Variants in PID1 observed in about 807,000 individuals in gnomAD.
PID1 encodes the protein PTB-containing, cubilin and LRP1-interacting protein.
PID1 carries 10 observed loss-of-function variants against 19.1 expected under a neutral mutation model. That is an observed-to-expected ratio of 0.52 (90% CI 0.32 to 0.89). The LOEUF (loss-of-function observed/expected upper bound fraction) is 0.89, where lower values mean the gene tolerates loss of function less well. Ranked by LOEUF, PID1 falls within the 40% of genes least tolerant of loss-of-function variation. The pLI, the probability that PID1 is intolerant of heterozygous loss-of-function variation, is 0.03. For synonymous variants in PID1, 130 were observed against 116.0 expected (o/e 1.12, Z -0.78); for missense variants, 248 against 285.3 (o/e 0.87, Z 0.94).
At chr2:229,047,073 T>C (rs551549760) in intron 2 of PID1, among the ~76,000 whole-genome samples, 3 of 152,338 alleles carry the variant, frequency 2.0e-5, no homozygotes, top group South Asian at 2.1e-4. Flanking sequence ...CCACAAAGCC[T>C]GTAGTCACCA....
At chr2:229,231,101 G>A (rs750449431) in intron 1 of PID1, among the ~76,000 whole-genome samples, 10 of 151,980 alleles carry the variant, frequency 6.6e-5, no homozygotes, top group South Asian at 2.1e-4. Flanking sequence ...AAGCCTAACC[G>A]CCCAGGGCCA....
chr2:229,116,019 G>A (rs1293660986), intron 2 of PID1, among the ~76,000 whole-genome samples: 1 of 151,952 alleles, frequency 6.6e-6, no homozygotes, highest in Non-Finnish European at 1.5e-5. Flanking sequence ...AGGAGATGGA[G>A]ACGACCATCC....
rs370243883 is a variant in PID1 at position 229,148,519 on chromosome 2, G to A, written c.177+7299C>T. On this transcript the variant is annotated intron_variant, in intron 2 of 2. Transcript: ENST00000392055. ...CGTGGCTTAAGTTCCTGCTGGGGAC[G>A]AGGAGATTCCTCCGGTTTTCAAAAT... is the stretch of plus-strand genomic sequence containing the variant. Among the ~76,000 whole-genome samples the A allele has an allele frequency of 5.9e-5, 9 of 152,290 alleles. No homozygotes were observed. The South Asian group carries it at 8.3e-4, about 14-fold the overall frequency.
chr2:229,066,365 T>C (rs1223375700), intron 2 of PID1, among the ~76,000 whole-genome samples: 3 of 152,040 alleles, frequency 2.0e-5, no homozygotes, highest in African/African-American at 7.2e-5. Context: ...GGTATTTCAG[T>C]GGGATTAGAG....
intron 2 of PID1, among the ~76,000 whole-genome samples, chr2:229,038,624 A>C (rs190752549): frequency 6.6e-6 from 1 of 152,188 alleles, no homozygotes; most frequent in African/African-American, 2.4e-5. Context: ...GATAACTCAA[A>C]CCAAAGAAAT....
chr2:229,152,952 T>G (rs902973907), intron 2 of PID1, among the ~76,000 whole-genome samples: 4 of 152,144 alleles, frequency 2.6e-5, no homozygotes, highest in Admixed American at 2.0e-4. Context: ...GAGCTGGCCC[T>G]GCAGCTGGGC....
chr2:229,119,953 C>T (rs946045431), intron 2 of PID1, among the ~76,000 whole-genome samples: 1 of 152,142 alleles, frequency 6.6e-6, no homozygotes, highest in African/African-American at 2.4e-5. Flanking sequence ...GCTCCTGGTT[C>T]TAAAGTCTTC....
intron 1 of PID1, chr2:229,245,163 GA>G (rs1423325107): frequency 5.9e-5 from 9 of 152,040 alleles, no homozygotes; most frequent in Admixed American, 5.9e-4. Flanking sequence ...CCTGTTGTGT[GA>G]AACTCTTCTG....
intron 2 of PID1, among the ~76,000 whole-genome samples, chr2:229,064,645 A>G (rs569726736): frequency 6.6e-6 from 1 of 152,272 alleles, no homozygotes; most frequent in African/African-American, 2.4e-5. Flanking sequence ...GTGAAAAAGC[A>G]TATTTGTTTG....
chr2:229,090,210 G>A (rs1694844074), intron 2 of PID1, among the ~76,000 whole-genome samples: 1 of 152,076 alleles, frequency 6.6e-6, no homozygotes, highest in Non-Finnish European at 1.5e-5. Flanking sequence ...GTTATTTTAT[G>A]TCTCATCAAA....
At chr2:229,096,879 A>C (rs538748009) in intron 2 of PID1, among the ~76,000 whole-genome samples, 1 of 152,200 alleles carries the variant, frequency 6.6e-6, no homozygotes, top group South Asian at 2.1e-4. Flanking sequence ...CTCTGCTTAC[A>C]AGAAGGCATT....
At chr2:229,040,468 G>C (rs1693750371) in intron 2 of PID1, among the ~76,000 whole-genome samples, 1 of 152,140 alleles carries the variant, frequency 6.6e-6, no homozygotes, top group Non-Finnish European at 1.5e-5. Flanking sequence ...GTGGTTGCTT[G>C]GGAATGGAGT....
intron 2 of PID1, among the ~76,000 whole-genome samples, chr2:229,098,317 C>G (rs1015164828): frequency 6.6e-5 from 10 of 151,988 alleles, no homozygotes; most frequent in African/African-American, 2.4e-4. Flanking sequence ...GCACGATGTA[C>G]AAAGCAAAAG....
intron 2 of PID1, among the ~76,000 whole-genome samples, chr2:229,138,980 G>A (rs905973094): frequency 1.8e-4 from 12 of 67,024 alleles, no homozygotes; most frequent in Non-Finnish European, 2.9e-4. Flanking sequence ...GAAAAAAATA[G>A]AAGAAAGAAA....
At position 229,139,047 on chromosome 2, in the gene PID1, A is replaced by AAG. The variant is rs1553565695; in HGVS notation, c.177+16769_177+16770dup. 1.2e-3 allele frequency among the ~76,000 whole-genome samples: 91 copies of AAG among 75,976 alleles called. 3 individuals carry two copies. Among genetic ancestry groups the AAG allele is most frequent in the East Asian group, 3.4e-3 (11 of 3,228 alleles). 49.8% of individuals were successfully genotyped at this position (75,976 alleles called of 152,430 possible). Reference sequence around the variant, plus strand: ...AGAAAGAAAGAAAGAAAGAGAAAGAAAGAAAGAAAGAGAAAGAAAGAAAGA... The same window carrying AAG: ...AGAAAGAAAGAAAGAAAGAGAAAGAAAGAGAAAGAAAGAGAAAGAAAGAAAGA... On this transcript the variant is annotated intron_variant, in intron 2 of 2. Coordinates refer to ENST00000392055, the MANE Select transcript of PID1 (RefSeq NM_001100818.2).
intron 1 of PID1, among the ~76,000 whole-genome samples, chr2:229,184,416 C>T (rs1469674906): frequency 1.4e-5 from 1 of 71,550 alleles, no homozygotes; most frequent in Non-Finnish European, 2.6e-5. Context: ...ATATCTATCC[C>T]GTATATATAT....
chr2:229,126,155 CTT>C (rs1695618598), intron 2 of PID1, among the ~76,000 whole-genome samples: 1 of 152,156 alleles, frequency 6.6e-6, no homozygotes, highest in Non-Finnish European at 1.5e-5. Flanking sequence ...GTAAATGCCT[CTT>C]TAAAAACACA....
At chr2:229,189,545 TA>T (rs1691212035) in intron 1 of PID1, among the ~76,000 whole-genome samples, 1 of 151,926 alleles carries the variant, frequency 6.6e-6, no homozygotes, top group South Asian at 2.1e-4. Flanking sequence ...AAACACAAAA[TA>T]AATAGCTGGG....
intron 2 of PID1, among the ~76,000 whole-genome samples, chr2:229,049,544 C>A (rs1004834955): frequency 1.3e-5 from 2 of 152,108 alleles, no homozygotes; most frequent in East Asian, 3.9e-4. Flanking sequence ...CAATTATAAG[C>A]ACCCAAATAC....
Sources: gnomAD v4.1 joint callset for allele counts (sites outside exome capture counted in the v4.1 genomes callset) on GRCh38, gnomAD v4.1.1 for gene constraint, MANE v1.5 for transcripts, NCBI Gene and HGNC (gene_info 2026-07-23, HGNC 2026-07-21) for gene names.